DLGAP1: variants seen among roughly 807,000 people sequenced by gnomAD.
The protein encoded by DLGAP1 is DLG associated protein 1.
A neutral mutation model predicts 90.8 loss-of-function variants in DLGAP1; 11 were observed. The observed-to-expected ratio is 0.12, with a 90% CI of 0.08 to 0.20. DLGAP1 has a LOEUF of 0.20. Among genes scored for constraint, DLGAP1 ranks in the 10% least tolerant of loss-of-function variants. The pLI, the probability that DLGAP1 is intolerant of heterozygous loss-of-function variation, is 1.00. For missense variants in DLGAP1, 1,050 were observed against 1,333.8 expected, an observed-to-expected ratio of 0.79 and a Z score of 3.31; for synonymous variants, 558 against 540.7, an observed-to-expected ratio of 1.03 and a Z score of -0.44.
At chr18:4,299,405 T>C (rs961868143) in intron 1 of DLGAP1, among the ~76,000 whole-genome samples, 5 of 152,184 alleles carry the variant, frequency 3.3e-5, no homozygotes, top group African/African-American at 4.8e-5. Flanking sequence ...AAATATTTAA[T>C]AGTAGTACAA....
chr18:3,814,302 T>C (rs1411209195), intron 4 of DLGAP1, 29 bp from the exon 5 acceptor site: 11 of 1,584,598 alleles, frequency 6.9e-6, no homozygotes, highest in South Asian at 1.1e-5. Context: ...GATAAATCAC[T>C]TTTTATAAAA....
At chr18:4,193,434 A>G (rs1315618869) in intron 1 of DLGAP1, among the ~76,000 whole-genome samples, 3 of 152,196 alleles carry the variant, frequency 2.0e-5, no homozygotes, top group Non-Finnish European at 1.5e-5. Context: ...TGGCTGTATG[A>G]AAGTTGAGCC....
chr18:4,046,110 C>T (rs2075050704), intron 2 of DLGAP1, among the ~76,000 whole-genome samples: 1 of 152,116 alleles, frequency 6.6e-6, no homozygotes, highest in South Asian at 2.1e-4. Context: ...ATTAACCTGC[C>T]AATTATACAA....
chr18:3,977,434 G>GTGTTTTTTT (rs1555718019), intron 3 of DLGAP1, among the ~76,000 whole-genome samples: 8 of 95,332 alleles, frequency 8.4e-5, no homozygotes, highest in African/African-American at 3.3e-4. Flanking sequence ...TTTATTCTGT[G>GTGTTTTTTT]TTTTTTTTTT....
At chr18:4,110,498 A>G (rs1053371365) in intron 2 of DLGAP1, among the ~76,000 whole-genome samples, 6 of 152,222 alleles carry the variant, frequency 3.9e-5, no homozygotes, top group African/African-American at 1.2e-4. Context: ...AGGAAAACAA[A>G]TCATCCATAA....
At chr18:4,258,491 C>T (rs1190656345) in intron 1 of DLGAP1, among the ~76,000 whole-genome samples, 3 of 151,868 alleles carry the variant, frequency 2.0e-5, no homozygotes, top group African/African-American at 7.3e-5. Context: ...TAAGACTTAT[C>T]AAGCATCACT....
intron 3 of DLGAP1, among the ~76,000 whole-genome samples, chr18:3,926,417 TATATACAC>T (rs1394571632): frequency 4.9e-5 from 6 of 121,552 alleles, no homozygotes; most frequent in Admixed American, 1.6e-4. Flanking sequence ...TATATATATA[TATATACAC>T]ACACACACAC....
chr18:4,047,357 A>AT (rs1178000065), intron 2 of DLGAP1, among the ~76,000 whole-genome samples: 1 of 152,262 alleles, frequency 6.6e-6, no homozygotes, highest in Admixed American at 6.5e-5. Flanking sequence ...TATTGTATAA[A>AT]TATTACTTGG....
intron 1 of DLGAP1, chr18:4,294,098 C>A (rs2079917066): frequency 6.6e-6 from 1 of 152,034 alleles, no homozygotes. Context: ...CTTGTGATTC[C>A]AGAATCTATC....
intron 2 of DLGAP1, among the ~76,000 whole-genome samples, chr18:4,125,063 C>T (rs929076935): frequency 4.6e-5 from 7 of 152,100 alleles, no homozygotes; most frequent in African/African-American, 1.7e-4. Context: ...TTGGATGAAG[C>T]TTAGGTATCA....
intron 7 of DLGAP1, among the ~76,000 whole-genome samples, chr18:3,628,396 G>A (rs558497719): frequency 7.3e-5 from 11 of 151,034 alleles, no homozygotes; most frequent in African/African-American, 1.9e-4. Context: ...GACCATGTCC[G>A]CCAGGGGTCT....
intron 8 of DLGAP1, among the ~76,000 whole-genome samples, chr18:3,572,301 G>A (rs2054853992): frequency 6.6e-6 from 1 of 151,898 alleles, no homozygotes. Context: ...TTCTTGCTTT[G>A]TGTCTTGGCC....
chr18:3,503,859 T>C (rs1212025796), intron 11 of DLGAP1, among the ~76,000 whole-genome samples: 1 of 151,934 alleles, frequency 6.6e-6, no homozygotes, highest in African/African-American at 2.4e-5. Flanking sequence ...ACTTTGGGAG[T>C]CCGAAGTGGG....
intron 1 of DLGAP1, among the ~76,000 whole-genome samples, chr18:4,273,246 T>C (rs759495071): frequency 6.6e-6 from 1 of 152,188 alleles, no homozygotes; most frequent in Non-Finnish European, 1.5e-5. Flanking sequence ...TCTCACCATG[T>C]TGAGAAATAG....
chr18:4,413,251 A>C (rs527625366), intron 1 of DLGAP1, among the ~76,000 whole-genome samples: 120 of 152,276 alleles, frequency 7.9e-4, no homozygotes, highest in African/African-American at 2.8e-3. Flanking sequence ...CAGCTGCTGC[A>C]GCTAGGGATT....
intron 2 of DLGAP1, among the ~76,000 whole-genome samples, chr18:4,069,659 G>C (rs887575668): frequency 1.3e-5 from 2 of 152,174 alleles, no homozygotes; most frequent in African/African-American, 4.8e-5. Flanking sequence ...ATGATTGTAA[G>C]TTTCCTGAGG....
intron 5 of DLGAP1, among the ~76,000 whole-genome samples, chr18:3,756,610 A>C (rs931143669): frequency 7.9e-5 from 12 of 152,162 alleles, no homozygotes; most frequent in Non-Finnish European, 1.5e-4. Context: ...GAAGCATATA[A>C]TAGCTATTAT....
At position 3,553,837 on chromosome 18, in the gene DLGAP1, C is replaced by A. The variant is rs1244434080; in HGVS notation, c.2057+13653G>T. ...CGTGAGCCACCACGCCCGGCCCACA[C>A]ATAGTTTTTTAAAAAATTACTCCAA... On this transcript the variant is annotated intron_variant, in intron 9 of 12. Coordinates refer to ENST00000315677, the MANE Select transcript of DLGAP1 (RefSeq NM_004746.4). 5.9e-5 allele frequency among the ~76,000 whole-genome samples: 9 copies of A among 152,136 alleles called. No individual in the cohort carries two copies. The South Asian group carries it at 1.0e-3, about 18-fold the overall frequency.
At position 4,312,211 on chromosome 18, in the gene DLGAP1, C is replaced by G. The variant is rs188978690; in HGVS notation, c.-267+142795G>C. Among the ~76,000 whole-genome samples the G allele has an allele frequency of 4.6e-5, 7 of 152,286 alleles. No individual in the cohort carries two copies. The South Asian group carries it at 1.5e-3, about 32-fold the overall frequency. Reference sequence around the variant, plus strand: ...ATAATTCAGTAATAAGAGTTTGCCACGTACTGTTCTCAGTGATTATATACA... The same window carrying G: ...ATAATTCAGTAATAAGAGTTTGCCAGGTACTGTTCTCAGTGATTATATACA... On this transcript the variant is annotated intron_variant, in intron 1 of 12. Coordinates refer to ENST00000315677, the MANE Select transcript of DLGAP1 (RefSeq NM_004746.4).
Sources: gnomAD v4.1 joint callset for allele counts (sites outside exome capture counted in the v4.1 genomes callset) on GRCh38, gnomAD v4.1.1 for gene constraint, MANE v1.5 for transcripts, NCBI Gene and HGNC (gene_info 2026-07-23, HGNC 2026-07-21) for gene names.